Variants in DIAPH2 observed in about 807,000 individuals in gnomAD.
DIAPH2 encodes protein diaphanous homolog 2.
Under a neutral mutation model 92.7 loss-of-function variants are expected in DIAPH2, and 35 were observed. That is an observed-to-expected ratio of 0.38 (90% confidence interval 0.29 to 0.50). The LOEUF (loss-of-function observed/expected upper bound fraction) is 0.50, where lower values mean the gene tolerates loss of function less well. DIAPH2 is among the 20% of genes least tolerant of loss of function. The pLI, the probability that DIAPH2 is intolerant of heterozygous loss-of-function variation, is 0.94. For missense variants in DIAPH2, 701 were observed against 819.5 expected (o/e 0.86, Z 1.77); for synonymous variants, 301 against 280.4 (o/e 1.07, Z -0.73).
At chrX:96,932,782 G>A (rs778875085) in intron 10 of DIAPH2, among the ~76,000 whole-genome samples, 1 of 110,589 alleles carries the variant, frequency 9.0e-6, no homozygotes, top group African/African-American at 3.3e-5. Flanking sequence ...TTTGTGTTGG[G>A]AATATTCTAA....
chrX:97,376,826 A>G (rs1418668609), intron 24 of DIAPH2, among the ~76,000 whole-genome samples: 1 of 112,258 alleles, frequency 8.9e-6, no homozygotes, highest in Non-Finnish European at 1.9e-5. Flanking sequence ...TATACGGTAT[A>G]CGTAAGCCTG....
intron 25 of DIAPH2, among the ~76,000 whole-genome samples, chrX:97,413,164 G>A (rs1376421268): frequency 1.8e-5 from 2 of 111,560 alleles, no homozygotes; most frequent in Non-Finnish European, 1.9e-5. Context: ...CAATAAAATA[G>A]TGGTAAACCG....
In DIAPH2 at chrX:97,301,124, G is replaced by C. The variant is rs1380688264; in HGVS notation, c.2845-46992G>C. 3.5e-3 allele frequency among the ~76,000 whole-genome samples: 313 copies of C among 90,716 alleles called. 2 individuals are homozygous for C. The highest frequency in any genetic ancestry group is 0.013 in the African/African-American group (304 of 23,967). The allele number at this position is 90,716 out of a possible 115,157, so 78.8% of individuals were successfully genotyped here. On this transcript the variant is annotated intron_variant, in intron 23 of 26. Coordinates refer to ENST00000324765, the MANE Select transcript of DIAPH2 (RefSeq NM_006729.5). ...CGACATCGCGCCACTGCACTCCAGC[G>C]TAGGCCACAGAGCGAGACTCCGTCT...
intron 25 of DIAPH2, among the ~76,000 whole-genome samples, chrX:97,399,941 C>T (rs1413791740): frequency 8.9e-6 from 1 of 112,301 alleles, no homozygotes; most frequent in African/African-American, 3.2e-5. Flanking sequence ...TAGGAGCATC[C>T]TAGGAATACA....
intron 1 of DIAPH2, among the ~76,000 whole-genome samples, chrX:96,695,571 C>A (rs2063821106): frequency 8.9e-6 from 1 of 111,799 alleles, no homozygotes; most frequent in African/African-American, 3.3e-5. Flanking sequence ...GTATTAGTTG[C>A]ACTTTACAGT....
At chrX:96,689,460 A>G (rs753784159) in intron 1 of DIAPH2, among the ~76,000 whole-genome samples, 21 of 108,731 alleles carry the variant, frequency 1.9e-4, no homozygotes, top group African/African-American at 7.0e-4. Flanking sequence ...AGAGTTTTTG[A>G]TATTTGGAGA....
intron 25 of DIAPH2, among the ~76,000 whole-genome samples, chrX:97,398,897 C>G (rs61364046): frequency 0.018 from 1,957 of 109,906 alleles, 43 homozygotes; most frequent in African/African-American, 0.062. Context: ...CAGGCACCCA[C>G]CACCACGCCT....
Position 96,685,142 on chromosome X carries a change from G to C in DIAPH2, c.84G>C (p.Ala28=). 6.9e-6 allele frequency: 7 copies of C among 1,017,888 alleles called. No individual in the cohort carries two copies. The highest frequency in any genetic ancestry group is 8.8e-6 in the Non-Finnish European group (7 of 794,028). 83.9% of individuals were successfully genotyped at this position (1,017,888 alleles called of 1,213,427 possible). Residue 28 remains alanine, a synonymous_variant, in exon 1 of 27, where the codon GCG becomes GCC. Coordinates refer to ENST00000324765, the MANE Select transcript of DIAPH2 (RefSeq NM_006729.5). ...PGGGRSNKRS[A]GNRAANEEET... is the part of the protein sequence containing the mutation. Reference sequence around the variant, plus strand: ...GGGGCCGGAGCAACAAGCGGAGCGCGGGGAACCGGGCCGCCAATGAAGAGG... The same window carrying C: ...GGGGCCGGAGCAACAAGCGGAGCGCCGGGAACCGGGCCGCCAATGAAGAGG...
At chrX:97,367,072 T>C (rs1269047759) in intron 24 of DIAPH2, among the ~76,000 whole-genome samples, 4 of 111,615 alleles carry the variant, frequency 3.6e-5, no homozygotes, top group Non-Finnish European at 7.5e-5. Flanking sequence ...TAAATCCTCT[T>C]ATAAGTTATT....
intron 5 of DIAPH2, among the ~76,000 whole-genome samples, chrX:96,891,539 T>C (rs773747363): frequency 8.9e-6 from 1 of 112,202 alleles, no homozygotes; most frequent in South Asian, 3.7e-4. Context: ...TGGACAGTTT[T>C]ATTCCCAGCC....
rs1243241796 is a variant in DIAPH2, at chrX:96,957,775, G to GT, written c.1615-47dup. Reference sequence around the variant, plus strand: ...ATATCTATTGATATATATTTCTTCAGTTTTTTCAATTATATTTTATAAGCA... The same window carrying GT: ...ATATCTATTGATATATATTTCTTCAGTTTTTTTCAATTATATTTTATAAGCA... On this transcript the variant is annotated intron_variant, in intron 15 of 26. Transcript: ENST00000324765. The GT allele has an allele frequency of 2.7e-5, 24 of 901,134 alleles. No homozygotes were observed. The Admixed American group carries it at 4.2e-4, about 16-fold the overall frequency. The allele number at this position is 901,134 out of a possible 1,213,427, so 74.3% of individuals were successfully genotyped here. A position where few individuals can be genotyped will look rare whatever the true frequency, so the allele number is the denominator to read the frequency against.
At chrX:96,786,297 G>A (rs969033691) in intron 4 of DIAPH2, among the ~76,000 whole-genome samples, 1 of 111,494 alleles carries the variant, frequency 9.0e-6, no homozygotes, top group Non-Finnish European at 1.9e-5. Flanking sequence ...CTGTGAAGAT[G>A]TTACTATCCT....
intron 22 of DIAPH2, among the ~76,000 whole-genome samples, chrX:97,195,081 G>C (rs757060041): frequency 3.6e-5 from 4 of 112,012 alleles, no homozygotes; most frequent in Non-Finnish European, 7.5e-5. Flanking sequence ...GGCTTACTGA[G>C]CATGAAAGTT....
intron 23 of DIAPH2, among the ~76,000 whole-genome samples, chrX:97,340,853 A>G (rs1344245231): frequency 9.2e-6 from 1 of 108,855 alleles, no homozygotes; most frequent in Non-Finnish European, 1.9e-5. Context: ...ATGGGGTTTC[A>G]CCACATCCAG....
In DIAPH2 at chrX:97,454,193, G is replaced by A. The variant is rs147564814; in HGVS notation, c.3241+24448G>A. Among the ~76,000 whole-genome samples, 332 of 110,004 alleles carry A rather than the reference G, an allele frequency of 3.0e-3. 1 individual carries two copies. The highest frequency in any genetic ancestry group is 8.9e-3 in the African/African-American group (265 of 29,741). ...AATTGGATTTTCTATTTTTTTCACC[G>A]TCCAGCAAATGGGAAACAGCATACA... On this transcript the variant is annotated intron_variant, in intron 26 of 26. Coordinates refer to ENST00000324765, the MANE Select transcript of DIAPH2 (RefSeq NM_006729.5).
At chrX:96,882,959 C>CAAAAAA (rs1211958338) in intron 5 of DIAPH2, among the ~76,000 whole-genome samples, 874 of 31,820 alleles carry the variant, frequency 0.027, 89 homozygotes, top group East Asian at 0.044. Flanking sequence ...ACCCTGTCTC[C>CAAAAAA]AAAAAAAAAA....
chrX:97,559,138 G>A (rs1004620851), intron 26 of DIAPH2, among the ~76,000 whole-genome samples: 2 of 111,787 alleles, frequency 1.8e-5, no homozygotes, highest in African/African-American at 6.5e-5. Context: ...AAACAATAAC[G>A]GTTCAAATGA....
At chrX:96,711,268 G>A (rs1569371665) in intron 1 of DIAPH2, among the ~76,000 whole-genome samples, 1 of 111,779 alleles carries the variant, frequency 8.9e-6, no homozygotes, top group East Asian at 2.8e-4. Flanking sequence ...TTTCCATAGT[G>A]GTTGTACTAG....
At chrX:96,920,387 G>T (rs764384572) in intron 9 of DIAPH2, among the ~76,000 whole-genome samples, 1 of 111,698 alleles carries the variant, frequency 9.0e-6, no homozygotes, top group African/African-American at 3.3e-5. Flanking sequence ...TCGAAAGTTT[G>T]TTGAGTAGGA....
Sources: allele counts gnomAD v4.1 joint callset (sites outside exome capture counted in the v4.1 genomes callset), GRCh38; gene constraint gnomAD v4.1.1; transcripts MANE v1.5; gene names NCBI Gene and HGNC (gene_info 2026-07-23, HGNC 2026-07-21).